The following WASHC2A variants were observed in gnomAD, a reference collection of about 807,000 sequenced individuals.
WASHC2A encodes the protein WASH complex subunit FAM21A.
A neutral mutation model predicts 140.3 loss-of-function variants in WASHC2A; 82 were observed. The observed-to-expected ratio is 0.58, with a 90% CI of 0.49 to 0.70. The LOEUF is 0.70. Ranked by LOEUF, WASHC2A falls within the 30% of genes least tolerant of loss-of-function variation. The pLI is 0.00. For missense variants in WASHC2A, 985 were observed against 1,521.8 expected, an observed-to-expected ratio of 0.65 and a Z score of 5.87; for synonymous variants, 340 against 560.8, an observed-to-expected ratio of 0.61 and a Z score of 5.56.
intron 8 of WASHC2A, among the ~76,000 whole-genome samples, chr10:50,090,104 C>G (rs1243360728): frequency 6.6e-6 from 1 of 151,754 alleles, no homozygotes; most frequent in African/African-American, 2.4e-5. Context: ...GAGCGAAACT[C>G]CTTCTCAAAA....
At position 50,132,901 on chromosome 10, in the gene WASHC2A, T is replaced by G; in HGVS notation, c.3982T>G (p.Ser1328Ala). 2 of 1,612,036 alleles carry G rather than the reference T, an allele frequency of 1.2e-6. No individual in the cohort carries two copies. Among genetic ancestry groups the G allele is most frequent in the South Asian group, 2.2e-5 (2 of 90,990 alleles). The change falls in exon 31 of 31, where the codon TCC becomes GCC. Residue 1328 changes from serine (S) to alanine (A), a missense_variant. By Grantham distance (99) the Ser-to-Ala change is moderately conservative (BLOSUM62 1). Transcript: ENST00000282633. ...APEPRFEHKVSNIFDDPLNAF... is the reference protein window; with the variant it reads ...APEPRFEHKVANIFDDPLNAF... ...TGAACCAAGATTTGAACACAAGGTG[T>G]CCAACATCTTTGATGATCCCCTGAA... is the stretch of plus-strand genomic sequence containing the variant.
intron 20 of WASHC2A, among the ~76,000 whole-genome samples, chr10:50,110,620 C>T (rs1486806732): frequency 6.6e-4 from 100 of 152,190 alleles, no homozygotes; most frequent in African/African-American, 2.0e-3. Context: ...AGGCCAGGCA[C>T]GTTGGCTCAT....
At chr10:50,097,339 A>G (rs1230499071) in intron 15 of WASHC2A, among the ~76,000 whole-genome samples, 1 of 151,480 alleles carries the variant, frequency 6.6e-6, no homozygotes, top group Admixed American at 6.6e-5. Flanking sequence ...TAGATGATTG[A>G]CTTGGTGGCC....
At chr10:50,103,459 C>G (rs1297974369) in intron 17 of WASHC2A, among the ~76,000 whole-genome samples, 4 of 152,066 alleles carry the variant, frequency 2.6e-5, no homozygotes, top group Admixed American at 2.0e-4. Context: ...ACTCAGGAGG[C>G]AGAGGCAGGA....
intron 4 of WASHC2A, among the ~76,000 whole-genome samples, chr10:50,079,732 G>T (rs1436819307): frequency 1.3e-5 from 2 of 152,076 alleles, no homozygotes; most frequent in Non-Finnish European, 2.9e-5. Context: ...TCAAGGATTT[G>T]CTAGCCATTT....
rs1177525686 is a variant in WASHC2A, at chr10:50,116,318, AT to A, written c.2143-1573del. 2.7e-3 allele frequency among the ~76,000 whole-genome samples: 150 copies of A among 54,676 alleles called. 22 individuals carry two copies. Among genetic ancestry groups the A allele is most frequent in the East Asian group, 2.6e-3 (4 of 1,532 alleles). 35.9% of individuals were successfully genotyped at this position (54,676 alleles called of 152,430 possible). A position where few individuals can be genotyped will look rare whatever the true frequency, so the allele number is the denominator to read the frequency against. ...CAACTATTTGCATTGAATTATTATT[AT>A]TTTTTTTTTTTTTTGAGACGGAGTC... is the stretch of plus-strand genomic sequence containing the variant. On this transcript the variant is annotated intron_variant, in intron 21 of 30. Coordinates refer to ENST00000282633, the MANE Select transcript of WASHC2A (RefSeq NM_001005751.3).
chr10:50,076,815 C>G (rs1352451302), intron 3 of WASHC2A, among the ~76,000 whole-genome samples: 1 of 128,046 alleles, frequency 7.8e-6, no homozygotes, highest in Non-Finnish European at 1.7e-5. Flanking sequence ...CCCATCTCTA[C>G]TAAAAAAAAA....
intron 17 of WASHC2A, among the ~76,000 whole-genome samples, chr10:50,101,212 C>T (rs1554886636): frequency 2.0e-5 from 3 of 152,312 alleles, no homozygotes; most frequent in African/African-American, 4.8e-5. Flanking sequence ...CCCTGAGAAA[C>T]AGCATGATGG....
At chr10:50,081,871 G>A (rs1393776788) in intron 5 of WASHC2A, among the ~76,000 whole-genome samples, 1 of 152,104 alleles carries the variant, frequency 6.6e-6, no homozygotes, top group African/African-American at 2.4e-5. Flanking sequence ...GACCTCAGGT[G>A]ATCCGCCTGC....
At chr10:50,076,199 C>A in intron 3 of WASHC2A, among the ~76,000 whole-genome samples, 1 of 152,190 alleles carries the variant, frequency 6.6e-6, no homozygotes, top group Admixed American at 6.5e-5. Flanking sequence ...CATGAGCCTC[C>A]CAAAGTGCTG....
intron 8 of WASHC2A, among the ~76,000 whole-genome samples, chr10:50,089,515 G>T (rs1839687009): frequency 6.6e-6 from 1 of 151,950 alleles, no homozygotes; most frequent in Admixed American, 6.6e-5. Context: ...GAGCCTTCCA[G>T]TCCTTTCCTT....
At chr10:50,095,864 C>T in intron 15 of WASHC2A, 86 bp downstream of exon 15, 2 of 1,538,212 alleles carry the variant, frequency 1.3e-6, no homozygotes, top group East Asian at 2.5e-5. Context: ...AGTTCTGTAT[C>T]TCTTACAGTG....
At chr10:50,131,506 A>G (rs1843969734) in intron 30 of WASHC2A, among the ~76,000 whole-genome samples, 1 of 152,170 alleles carries the variant, frequency 6.6e-6, no homozygotes. Flanking sequence ...GCGAGAAGAG[A>G]GCAAGTCTAG....
Position 50,127,214 on chromosome 10 carries a change from A to G in WASHC2A, c.2866A>G (p.Lys956Glu). 1 of 1,612,050 alleles carries G rather than the reference A, an allele frequency of 6.2e-7. No individual in the cohort carries two copies. The highest frequency in any genetic ancestry group is 8.5e-7 in the Non-Finnish European group (1 of 1,179,864). The change falls in exon 27 of 31, where the codon AAG becomes GAG. Residue 956 changes from lysine to glutamate, a missense_variant. Lys to Glu is a moderately conservative substitution (Grantham distance 56, BLOSUM62 1). Transcript: ENST00000282633. ...KTKEPSTRIGKIQANLAINPA... is the reference protein window; with the variant it reads ...KTKEPSTRIGEIQANLAINPA... Reference sequence around the variant, plus strand: ...CAAAGAACCATCCACTCGGATCGGGAAGATACAAGTAATTAAAACACTGGA... The same window carrying G: ...CAAAGAACCATCCACTCGGATCGGGGAGATACAAGTAATTAAAACACTGGA...
chr10:50,104,632 C>T lies in WASHC2A; in HGVS notation c.1737+489C>T, dbSNP rs1841569111. Among the ~76,000 whole-genome samples, 12 of 152,176 alleles carry T rather than the reference C, an allele frequency of 7.9e-5. No individual in the cohort carries two copies. The South Asian group carries it at 2.3e-3, about 29-fold the overall frequency. On this transcript the variant is annotated intron_variant, in intron 18 of 30. Coordinates refer to ENST00000282633, the MANE Select transcript of WASHC2A (RefSeq NM_001005751.3). ...TCGGCCTCCCTAAGTGCTAGGATTACAGGTGTGAGCCACCATGCCTGGCTT... is the reference window on the plus strand; with the variant it reads ...TCGGCCTCCCTAAGTGCTAGGATTATAGGTGTGAGCCACCATGCCTGGCTT...
Position 50,127,733 on chromosome 10 carries a change from G to A in WASHC2A, c.3025G>A (p.Gly1009Arg), listed in dbSNP as rs1324371359. The change falls in exon 28 of 31, where the codon GGG (glycine) becomes AGG (arginine). Residue 1009 changes from glycine (G) to arginine (R), a missense_variant. Gly to Arg is a moderately radical substitution (Grantham distance 125). Coordinates refer to ENST00000282633, the MANE Select transcript of WASHC2A (RefSeq NM_001005751.3). Reference sequence around the variant, plus strand: ...AAGTGTGCCTGTCCTTCCCGGGAGTGGGGAGGCCGGTGTGAGTTTTGATCT... The same window carrying A: ...AAGTGTGCCTGTCCTTCCCGGGAGTAGGGAGGCCGGTGTGAGTTTTGATCT... ...LESVPVLPGS[G>R]EAGVSFDLPA... is the part of the protein sequence containing the mutation. 5.3e-4 allele frequency: 824 copies of A among 1,560,150 alleles called. No individual in the cohort carries two copies. Among genetic ancestry groups the A allele is most frequent in the Non-Finnish European group, 6.9e-4 (792 of 1,148,612 alleles).
Position 50,125,113 on chromosome 10 carries a change from G to T in WASHC2A, c.2479G>T (p.Gly827Cys). The change falls in exon 24 of 31, where the codon GGC (glycine) becomes TGC (cysteine). Residue 827 changes from glycine to cysteine, a missense_variant and splice_region_variant. By Grantham distance (159) the Gly-to-Cys change is radical. Transcript: ENST00000282633. The part of the protein sequence containing the change: ...IQAPQKEVGK[G>C]RDPDAHPKST... ...ACATGACCTTCCCTCCTGTTCCCAG[G>T]GCCGCGATCCTGATGCCCACCCCAA... The T allele has an allele frequency of 6.2e-7, 1 of 1,611,784 alleles. No homozygotes were observed. The highest frequency in any genetic ancestry group is 8.5e-7 in the Non-Finnish European group (1 of 1,179,860).
In WASHC2A at chr10:50,087,386, A is replaced by G. The variant is rs1270621670; in HGVS notation, c.732+64A>G. The G allele has an allele frequency of 1.5e-5, 24 of 1,602,800 alleles. No individual in the cohort carries two copies. In the African/African-American group the frequency reaches 2.5e-4, roughly 17 times the overall value. On this transcript the variant is annotated intron_variant, in intron 8 of 30. Coordinates refer to ENST00000282633, the MANE Select transcript of WASHC2A (RefSeq NM_001005751.3). ...TTAATTGAAGCATAGTATATATACT[A>G]ATATTACTTTGGAATGATTTATGAC... is the stretch of plus-strand genomic sequence containing the variant.
At chr10:50,121,186 A>G (rs1842988668) in intron 23 of WASHC2A, among the ~76,000 whole-genome samples, 1 of 150,262 alleles carries the variant, frequency 6.7e-6, no homozygotes, top group African/African-American at 2.5e-5. Context: ...TCAGATTGGA[A>G]AGGAAAAAGT....
Sources: allele counts gnomAD v4.1 joint callset (sites outside exome capture counted in the v4.1 genomes callset), GRCh38; gene constraint gnomAD v4.1.1; transcripts MANE v1.5; gene names NCBI Gene and HGNC (gene_info 2026-07-23, HGNC 2026-07-21).